Variants in AP3B1 observed in about 807,000 individuals in gnomAD.
The protein encoded by AP3B1 is AP-3 complex subunit beta-1.
Under a neutral mutation model 132.5 loss-of-function variants are expected in AP3B1, and 61 were observed. The observed-to-expected ratio is 0.46, with a 90% confidence interval of 0.37 to 0.57. The LOEUF (loss-of-function observed/expected upper bound fraction) is 0.57. Among genes scored for constraint, AP3B1 ranks in the 20% least tolerant of loss-of-function variants. AP3B1 has a pLI of 0.00. For synonymous variants in AP3B1, 388 were observed against 438.3 expected (o/e 0.89, Z 1.43); for missense variants, 1,120 against 1,289.4 (o/e 0.87, Z 2.01).
At chr5:78,184,572 C>T (rs1744519847) in intron 7 of AP3B1, among the ~76,000 whole-genome samples, 1 of 151,772 alleles carries the variant, frequency 6.6e-6, no homozygotes, top group Non-Finnish European at 1.5e-5. Context: ...CCTGTAGTCC[C>T]AGCTACTCGG....
intron 22 of AP3B1, among the ~76,000 whole-genome samples, chr5:78,070,923 G>A (rs1206995729): frequency 1.3e-5 from 2 of 152,160 alleles, no homozygotes; most frequent in Non-Finnish European, 2.9e-5. Flanking sequence ...TGCTGGCGAA[G>A]CTATGAAGAA....
downstream of AP3B1, chr5:78,000,926 T>G (rs1276515726): frequency 1.3e-5 from 2 of 152,230 alleles, no homozygotes; most frequent in Non-Finnish European, 2.9e-5. Flanking sequence ...TTAATGATAT[T>G]AAGCTACTAG....
intron 22 of AP3B1, among the ~76,000 whole-genome samples, chr5:78,049,006 G>T (rs1179930564): frequency 6.6e-6 from 1 of 152,180 alleles, no homozygotes; most frequent in South Asian, 2.1e-4. Flanking sequence ...TGAACCATAT[G>T]TATCTGCCAT....
chr5:78,036,373 T>C lies in AP3B1; in HGVS notation c.2810-1928A>G, dbSNP rs369974016. Among the ~76,000 whole-genome samples, 27 of 152,300 alleles carry C rather than the reference T, an allele frequency of 1.8e-4. No individual in the cohort carries two copies. In the East Asian group the frequency reaches 4.8e-3, roughly 27 times the overall value. On this transcript the variant is annotated intron_variant, in intron 23 of 26. Transcript: ENST00000255194. ...GACACCATTTCTAGATTTGCTCCTA[T>C]ATATTTGAGATGGCTATGTAGAAGT...
chr5:78,243,434 A>G (rs1330257192), intron 2 of AP3B1, among the ~76,000 whole-genome samples: 2 of 152,190 alleles, frequency 1.3e-5, no homozygotes, highest in African/African-American at 4.8e-5. Flanking sequence ...CACTCAACAA[A>G]TATTTGCTGA....
intron 7 of AP3B1, among the ~76,000 whole-genome samples, chr5:78,212,900 A>T (rs1379010989): frequency 6.6e-6 from 1 of 151,806 alleles, no homozygotes; most frequent in East Asian, 1.9e-4. Flanking sequence ...TTATTTATTT[A>T]TTTATTTTTT....
chr5:78,173,367 T>G (rs991714641), intron 11 of AP3B1, among the ~76,000 whole-genome samples: 4 of 152,156 alleles, frequency 2.6e-5, no homozygotes, highest in Non-Finnish European at 5.9e-5. Context: ...TGTTAAAGTC[T>G]CCCATTATTT....
At chr5:78,023,942 G>C (rs1747215917) in intron 24 of AP3B1, among the ~76,000 whole-genome samples, 1 of 152,100 alleles carries the variant, frequency 6.6e-6, no homozygotes, top group African/African-American at 2.4e-5. Context: ...AGGGGAAAGA[G>C]CCAGTAAAGA....
chr5:78,259,945 G>A (rs568221793), intron 2 of AP3B1, among the ~76,000 whole-genome samples: 1 of 151,384 alleles, frequency 6.6e-6, no homozygotes, highest in Non-Finnish European at 1.5e-5. Context: ...ACTCCAGCCT[G>A]GGCAACAGAG....
At chr5:78,011,802 A>G (rs1746637466) in intron 26 of AP3B1, among the ~76,000 whole-genome samples, 1 of 152,232 alleles carries the variant, frequency 6.6e-6, no homozygotes, top group African/African-American at 2.4e-5. Context: ...TTTGAAGAGT[A>G]GTAGAAATAA....
At chr5:78,263,816 T>C (rs1346062797) in intron 2 of AP3B1, among the ~76,000 whole-genome samples, 2 of 152,222 alleles carry the variant, frequency 1.3e-5, no homozygotes, top group Non-Finnish European at 2.9e-5. Context: ...TTTTGTGTTA[T>C]TTTTAAATTA....
chr5:78,294,300 C>T (rs1749658299), intron 1 of AP3B1, 152 bp downstream of exon 1: 7 of 1,076,216 alleles, frequency 6.5e-6, no homozygotes, highest in African/African-American at 3.2e-5. Context: ...GCCAACCAAC[C>T]CCACCTACCC....
At chr5:78,275,794 C>T (rs190083183) in intron 1 of AP3B1, among the ~76,000 whole-genome samples, 12 of 152,202 alleles carry the variant, frequency 7.9e-5, no homozygotes. Context: ...TTTAACACAC[C>T]TCTCAGTAAC....
chr5:78,218,992 G>A (rs920122736), intron 6 of AP3B1, among the ~76,000 whole-genome samples: 1 of 152,014 alleles, frequency 6.6e-6, no homozygotes, highest in African/African-American at 2.4e-5. Flanking sequence ...ACAAACTCAG[G>A]GGTGTGTTTT....
intron 1 of AP3B1, among the ~76,000 whole-genome samples, chr5:78,279,907 A>AATATATATATATGACTTAAAT (rs1554035367): frequency 0.12 from 13,933 of 113,120 alleles, 1,177 homozygotes; most frequent in Middle Eastern, 0.2. Context: ...ATATGACTTA[A>AATATATATATATGACTTAAAT]ATATATATAT....
chr5:78,153,699 T>C (rs968306461), intron 14 of AP3B1, among the ~76,000 whole-genome samples: 6 of 152,160 alleles, frequency 3.9e-5, no homozygotes, highest in Non-Finnish European at 7.4e-5. Flanking sequence ...AATTTCTTGT[T>C]TTTTATATTT....
chr5:78,039,321 T>A, intron 22 of AP3B1, 47 bp from the exon 23 acceptor site: 1 of 1,425,634 alleles, frequency 7.0e-7, no homozygotes, highest in Non-Finnish European at 9.9e-7. Flanking sequence ...GTGAATATAA[T>A]TATTCTTTTA....
intron 11 of AP3B1, among the ~76,000 whole-genome samples, chr5:78,174,364 G>C (rs939763402): frequency 6.6e-6 from 1 of 152,124 alleles, no homozygotes; most frequent in Non-Finnish European, 1.5e-5. Context: ...CTAGAGATGG[G>C]GTTTTGGTGT....
intron 15 of AP3B1, among the ~76,000 whole-genome samples, chr5:78,133,561 T>C (rs1232404806): frequency 1.3e-5 from 2 of 152,194 alleles, no homozygotes; most frequent in Non-Finnish European, 2.9e-5. Flanking sequence ...ATAAATTAGA[T>C]CTGTCCAGGG....
Sources: allele counts gnomAD v4.1 joint callset (sites outside exome capture counted in the v4.1 genomes callset), GRCh38; gene constraint gnomAD v4.1.1; transcripts MANE v1.5; gene names NCBI Gene and HGNC (gene_info 2026-07-23, HGNC 2026-07-21).